The following CTBP2 variants were observed in gnomAD, a reference collection of about 807,000 sequenced individuals.
The protein encoded by CTBP2 is C-terminal binding protein 2.
In CTBP2, 30 loss-of-function variants were observed where a neutral mutation model predicts 80.3. The observed-to-expected ratio is 0.37, with a 90% CI of 0.28 to 0.51. The LOEUF (loss-of-function observed/expected upper bound fraction) is 0.51, where lower values mean the gene tolerates loss of function less well. Among genes scored for constraint, CTBP2 ranks in the 20% least tolerant of loss-of-function variants. The pLI is 0.93. For missense variants in CTBP2, 1,212 were observed against 1,375.3 expected, an observed-to-expected ratio of 0.88 and a Z score of 1.88; for synonymous variants, 594 against 587.4, an observed-to-expected ratio of 1.01 and a Z score of -0.16.
At chr10:125,050,151 T>TTGTA (rs1962367709) in intron 2 of CTBP2, among the ~76,000 whole-genome samples, 1 of 152,214 alleles carries the variant, frequency 6.6e-6, no homozygotes, top group Non-Finnish European at 1.5e-5. Context: ...GCAGATACTC[T>TTGTA]ATGCCTGGGT....
In CTBP2 at chr10:124,985,598, G is replaced by C. The variant is rs191203006; in HGVS notation, c.*3920C>G. The C allele has an allele frequency of 2.0e-5, 3 of 152,756 alleles. No individual in the cohort carries two copies. The highest frequency in any genetic ancestry group is 1.9e-4 in the East Asian group (1 of 5,194). The allele number at this position is 152,756 out of a possible 1,614,324, so 9.5% of individuals were successfully genotyped here. A position where few individuals can be genotyped will look rare whatever the true frequency, so the allele number is the denominator to read the frequency against. On this transcript the variant is annotated 3_prime_UTR_variant, in exon 9 of 9. Coordinates refer to ENST00000309035, the MANE Select transcript of CTBP2 (RefSeq NM_022802.3). Reference sequence around the variant, plus strand: ...AGAAAAGCTAAGAATGTTTTAGAGTGAACTAAATACAGACATTGCTTACTT... The same window carrying C: ...AGAAAAGCTAAGAATGTTTTAGAGTCAACTAAATACAGACATTGCTTACTT...
intron 1 of CTBP2, among the ~76,000 whole-genome samples, chr10:125,151,219 A>T (rs1200784285): frequency 6.6e-6 from 1 of 152,148 alleles, no homozygotes; most frequent in East Asian, 1.9e-4. Flanking sequence ...CTCCATGGAG[A>T]AGACGAGGGC....
chr10:125,026,590 A>AGCCGCAGG lies in CTBP2; in HGVS notation c.1169_1170insCCTGCGGC (p.Pro391LeufsTer60). On this transcript the variant is annotated frameshift_variant, in exon 1 of 9. Transcript: ENST00000309035. LOFTEE classifies it high-confidence loss of function. ...CTCGGGGGGATGCTGTCTGCAGAGG[A>AGCCGCAGG]GCCGCAGCGCCCAGAGAAGCCAAGT... 1 of 1,559,654 alleles carries AGCCGCAGG rather than the reference A, an allele frequency of 6.4e-7. No individual in the cohort carries two copies. The highest frequency in any genetic ancestry group is 8.7e-7 in the Non-Finnish European group (1 of 1,152,230).
intron 7 of CTBP2, 47 bp from the exon 10 acceptor site, chr10:124,992,859 AG>A (rs921527712): frequency 2.8e-6 from 4 of 1,444,000 alleles, no homozygotes; most frequent in Non-Finnish European, 3.9e-6. Flanking sequence ...TACAAATCAC[AG>A]TAAGTTCAAC....
At chr10:124,995,397 C>T (rs1012377348) in intron 4 of CTBP2, among the ~76,000 whole-genome samples, 4 of 152,208 alleles carry the variant, frequency 2.6e-5, no homozygotes, top group Admixed American at 2.6e-4. Flanking sequence ...GGGTCCCCCT[C>T]GATAGCACCT....
chr10:125,082,376 G>GA (rs978164166), intron 2 of CTBP2, among the ~76,000 whole-genome samples: 1 of 152,122 alleles, frequency 6.6e-6, no homozygotes, highest in Non-Finnish European at 1.5e-5. Flanking sequence ...CCTCTCTCTG[G>GA]AGAAGACAAA....
intron 1 of CTBP2, among the ~76,000 whole-genome samples, chr10:125,117,194 G>A (rs74163343): frequency 0.09 from 13,770 of 152,300 alleles, 807 homozygotes; most frequent in African/African-American, 0.15. Flanking sequence ...GTGAGGACGC[G>A]CAGTACAACG....
intron 2 of CTBP2, among the ~76,000 whole-genome samples, chr10:125,063,998 C>T (rs948654846): frequency 1.3e-5 from 2 of 152,042 alleles, no homozygotes; most frequent in African/African-American, 4.8e-5. Context: ...TAGAGGCCAT[C>T]GTAATTTAAT....
At chr10:125,070,965 G>GA (rs1845391515) in intron 2 of CTBP2, among the ~76,000 whole-genome samples, 1 of 152,134 alleles carries the variant, frequency 6.6e-6, no homozygotes, top group African/African-American at 2.4e-5. Context: ...TTTAACCAAA[G>GA]AAAAAAAGAA....
At chr10:125,042,805 G>C (rs1249519338) in intron 2 of CTBP2, among the ~76,000 whole-genome samples, 1 of 152,178 alleles carries the variant, frequency 6.6e-6, no homozygotes, top group East Asian at 1.9e-4. Flanking sequence ...GCTGAGGCTG[G>C]GAGGTAAACC....
At chr10:125,129,128 T>C (rs988478071) in intron 1 of CTBP2, among the ~76,000 whole-genome samples, 5 of 152,190 alleles carry the variant, frequency 3.3e-5, no homozygotes, top group African/African-American at 7.2e-5. Context: ...ATAATGTACA[T>C]ACATGTATTA....
At position 124,998,148 on chromosome 10, in the gene CTBP2, C is replaced by T. The variant is rs201542036; in HGVS notation, c.2001G>A (p.Pro667=). 30 of 1,609,002 alleles carry T rather than the reference C, an allele frequency of 1.9e-5. No homozygotes were observed. The highest frequency in any genetic ancestry group is 4.0e-5 in the African/African-American group (3 of 75,034). ...CCGCTGTCTCTTCCACGGCTGCAGA[C>T]GGGATGTTGCACACGGCAATTCCTG... is the stretch of plus-strand genomic sequence containing the variant. Residue 667 remains proline (P), a synonymous_variant, in exon 4 of 9, where the codon CCG becomes CCA. Coordinates refer to ENST00000309035, the MANE Select transcript of CTBP2 (RefSeq NM_022802.3).
intron 1 of CTBP2, among the ~76,000 whole-genome samples, chr10:125,142,749 T>C (rs1591055450): frequency 6.6e-6 from 1 of 152,104 alleles, no homozygotes; most frequent in Non-Finnish European, 1.5e-5. Flanking sequence ...GAGGGGTGGC[T>C]GAGCCAGCAC....
chr10:125,078,158 T>TA (rs1325623293), intron 2 of CTBP2, among the ~76,000 whole-genome samples: 1 of 151,822 alleles, frequency 6.6e-6, no homozygotes, highest in African/African-American at 2.4e-5. Flanking sequence ...CAGGCGCCTG[T>TA]AGTCCCAGTT....
chr10:125,133,136 G>A lies in CTBP2; in HGVS notation c.-205-22043C>T, dbSNP rs115348247. On this transcript the variant is annotated intron_variant, in intron 1 of 10. Coordinates refer to the CTBP2 transcript ENST00000337195. ...CTCTAGATCCCTCAATCCTGCTCAA[G>A]CTGCCAGGCACATTCTAAGAGCATG... 1.0e-2 allele frequency among the ~76,000 whole-genome samples: 1,523 copies of A among 152,320 alleles called. 18 individuals carry two copies. Among genetic ancestry groups the A allele is most frequent in the African/African-American group, 0.034 (1,413 of 41,552 alleles).
intron 2 of CTBP2, among the ~76,000 whole-genome samples, chr10:125,103,194 C>A (rs1374323548): frequency 1.3e-5 from 2 of 152,204 alleles, no homozygotes; most frequent in South Asian, 2.1e-4. Flanking sequence ...CAGAACCAAC[C>A]CAGCCTTCCA....
At chr10:125,070,593 C>T (rs1845321521) in intron 2 of CTBP2, among the ~76,000 whole-genome samples, 1 of 149,718 alleles carries the variant, frequency 6.7e-6, no homozygotes, top group Admixed American at 6.7e-5. Context: ...TAATGATTAC[C>T]AATTTTAATA....
intron 1 of CTBP2, among the ~76,000 whole-genome samples, chr10:125,137,773 A>G (rs1247937413): frequency 2.0e-5 from 3 of 152,194 alleles, no homozygotes; most frequent in Non-Finnish European, 4.4e-5. Context: ...AATCACCTCC[A>G]CCACGTTCTT....
chr10:125,090,853 C>T (rs1166482507), intron 2 of CTBP2, among the ~76,000 whole-genome samples: 3 of 152,146 alleles, frequency 2.0e-5, no homozygotes, highest in Non-Finnish European at 4.4e-5. Flanking sequence ...AAAGTGCTTA[C>T]GTCTCCAAGC....
Sources: gnomAD v4.1 joint callset for allele counts (sites outside exome capture counted in the v4.1 genomes callset) on GRCh38, gnomAD v4.1.1 for gene constraint, MANE v1.5 for transcripts, NCBI Gene and HGNC (gene_info 2026-07-23, HGNC 2026-07-21) for gene names.